ACOT12: variants seen among roughly 807,000 people sequenced by gnomAD.
The protein encoded by ACOT12 is acyl-CoA thioesterase 12.
Under a neutral mutation model 67.7 loss-of-function variants are expected in ACOT12, and 51 were observed. The ratio of observed to expected loss-of-function variants is 0.75; its 90% CI spans 0.60 to 0.95. The LOEUF is 0.95. Among genes scored for constraint, ACOT12 ranks in the 40% least tolerant of loss-of-function variants. The probability of loss-of-function intolerance (pLI) is 0.00; values close to 1 mark genes in which losing one functional copy is unlikely to be tolerated. For synonymous variants in ACOT12, 251 were observed against 244.6 expected (o/e 1.03, Z -0.24); for missense variants, 734 against 708.1 (o/e 1.04, Z -0.41).
At chr5:81,316,731 C>CT in the ACOT12 span, among the ~76,000 whole-genome samples, 3 of 152,128 alleles carry the variant, frequency 2.0e-5, no homozygotes, top group Admixed American at 6.5e-5. Context: ...TTTGTTTCTC[C>CT]TTTTTATTTT....
chr5:81,348,181 T>C (rs544834170), intron 5 of ACOT12, among the ~76,000 whole-genome samples: 1 of 152,208 alleles, frequency 6.6e-6, no homozygotes, highest in African/African-American at 2.4e-5. Flanking sequence ...ATAAAATAAG[T>C]CTATTGGAAT....
the ACOT12 span, among the ~76,000 whole-genome samples, chr5:81,318,031 C>A: frequency 6.6e-6 from 1 of 151,886 alleles, no homozygotes; most frequent in South Asian, 2.1e-4. Flanking sequence ...TACAGGCATG[C>A]TGCACCATGC....
chr5:81,390,121 A>AT (rs1194610860), intron 1 of ACOT12, among the ~76,000 whole-genome samples: 1 of 150,264 alleles, frequency 6.7e-6, no homozygotes, highest in Non-Finnish European at 1.5e-5. Flanking sequence ...TGCCTGGCTA[A>AT]TTTTAACATT....
At chr5:81,392,944 T>A (rs1232754663) in intron 1 of ACOT12, among the ~76,000 whole-genome samples, 2 of 152,224 alleles carry the variant, frequency 1.3e-5, no homozygotes, top group African/African-American at 4.8e-5. Flanking sequence ...GGACATTAAT[T>A]GTATGGGACC....
At chr5:81,329,673 G>A (rs146350331), downstream of ACOT12, among the ~76,000 whole-genome samples, 17 of 152,288 alleles carry the variant, frequency 1.1e-4, no homozygotes, top group East Asian at 3.3e-3. Context: ...GGAGAATACT[G>A]AATGTTGAAG....
the ACOT12 span, among the ~76,000 whole-genome samples, chr5:81,318,612 G>A: frequency 6.6e-6 from 1 of 152,172 alleles, no homozygotes; most frequent in Non-Finnish European, 1.5e-5. Flanking sequence ...TAGGGATTGT[G>A]TTGAGTCTGT....
At chr5:81,346,083 A>T in intron 6 of ACOT12, 79 bp from the exon 7 acceptor site, 2 of 1,570,740 alleles carry the variant, frequency 1.3e-6, no homozygotes, top group South Asian at 2.3e-5. Context: ...CAAGTCTTCA[A>T]ATAAGCATTT....
At chr5:81,319,501 T>C in the ACOT12 span, among the ~76,000 whole-genome samples, 2 of 152,174 alleles carry the variant, frequency 1.3e-5, no homozygotes, top group Non-Finnish European at 2.9e-5. Context: ...GCGGATTATC[T>C]GAGGTCGGGA....
At position 81,359,891 on chromosome 5, in the gene ACOT12, G is replaced by A. The variant is rs760322097; in HGVS notation, c.496+12C>T. 12 of 1,598,918 alleles carry A rather than the reference G, an allele frequency of 7.5e-6. No individual in the cohort carries two copies. The highest frequency in any genetic ancestry group is 1.1e-5 in the South Asian group (1 of 87,392). ...TTATAGAATTAAAATTCTTATAAGT[G>A]GATTTACTGACCATCAAATTTGCTA... is the stretch of plus-strand genomic sequence containing the variant. On this transcript the variant is annotated intron_variant, in intron 5 of 14. Coordinates refer to ENST00000307624, the MANE Select transcript of ACOT12 (RefSeq NM_130767.3).
rs960071235 is a variant in ACOT12, at chr5:81,379,605, C to T, written c.197+6152G>A. On this transcript the variant is annotated intron_variant, in intron 2 of 14. Transcript: ENST00000307624. ...CATTTCATTCCCATCAGGAAACGGC[C>T]TTAGAAGGTGACATAGTGACTGGCA... is the stretch of plus-strand genomic sequence containing the variant. Among the ~76,000 whole-genome samples the T allele has an allele frequency of 5.3e-5, 8 of 152,112 alleles. 1 individual carries two copies. Among genetic ancestry groups the T allele is most frequent in the Admixed American group, 1.3e-4 (2 of 15,268 alleles).
chr5:81,345,137 C>CA, intron 7 of ACOT12, 96 bp from the exon 8 acceptor site: 1 of 1,316,190 alleles, frequency 7.6e-7, no homozygotes, highest in South Asian at 1.3e-5. Context: ...CCGCTGCCAC[C>CA]TCCTCTAAGC....
At chr5:81,317,701 C>A in the ACOT12 span, among the ~76,000 whole-genome samples, 1 of 152,012 alleles carries the variant, frequency 6.6e-6, no homozygotes, top group East Asian at 1.9e-4. Flanking sequence ...TTTATAAGAA[C>A]TCTGTCACGA....
At chr5:81,331,990 G>A (rs1758842682) in intron 13 of ACOT12, among the ~76,000 whole-genome samples, 1 of 152,184 alleles carries the variant, frequency 6.6e-6, no homozygotes. Context: ...ATACTCATAT[G>A]TGTGTGGGAT....
chr5:81,330,602 A>C (rs1315514218), intron 14 of ACOT12, 59 bp from the exon 15 acceptor site: 6 of 1,582,438 alleles, frequency 3.8e-6, no homozygotes, highest in Non-Finnish European at 5.2e-6. Flanking sequence ...CTTTTTCAAG[A>C]AAGGATCTGA....
At chr5:81,371,390 C>A (rs1332803859) in intron 3 of ACOT12, among the ~76,000 whole-genome samples, 1 of 151,934 alleles carries the variant, frequency 6.6e-6, no homozygotes, top group Non-Finnish European at 1.5e-5. Flanking sequence ...GTACCCAGGG[C>A]TACAGGCACT....
chr5:81,353,293 GAA>G (rs200230330), intron 5 of ACOT12, among the ~76,000 whole-genome samples: 5 of 152,032 alleles, frequency 3.3e-5, no homozygotes, highest in Admixed American at 1.3e-4. Flanking sequence ...TACAACCAAC[GAA>G]AAAAATAGGG....
At chr5:81,358,387 CTGCCTCAGGG>C (rs1251464813) in intron 5 of ACOT12, among the ~76,000 whole-genome samples, 5 of 152,172 alleles carry the variant, frequency 3.3e-5, no homozygotes, top group Non-Finnish European at 7.4e-5. Context: ...GTTGTCTCAC[CTGCCTCAGGG>C]TGCCTCAGCA....
At position 81,347,852 on chromosome 5, in the gene ACOT12, G is replaced by T. The variant is rs201855173; in HGVS notation, c.575C>A (p.Pro192His). The T allele has an allele frequency of 2.0e-4, 318 of 1,614,036 alleles. No homozygotes were observed. The highest frequency in any genetic ancestry group is 2.6e-4 in the Non-Finnish European group (304 of 1,180,026). Reference sequence around the variant, plus strand: ...TGTATTTCCGTGATGGTTTGCATGGGGTGGGAGGACCAGTTCAATGCTCTG... The same window carrying T: ...TGTATTTCCGTGATGGTTTGCATGGTGTGGGAGGACCAGTTCAATGCTCTG... ...SVQSIELVLP[P>H]HANHHGNTFG... The change falls in exon 6 of 15, where the codon CCC becomes CAC. Residue 192 changes from proline (P) to histidine (H), a missense_variant. Pro to His is a moderately conservative substitution (Grantham distance 77). Coordinates refer to ENST00000307624, the MANE Select transcript of ACOT12 (RefSeq NM_130767.3).
intron 2 of ACOT12, among the ~76,000 whole-genome samples, chr5:81,378,860 T>TAGG (rs1760496015): frequency 6.6e-6 from 1 of 151,490 alleles, no homozygotes; most frequent in Admixed American, 6.6e-5. Context: ...CATGGGGAAA[T>TAGG]AACGCTTTTA....
Sources: allele counts gnomAD v4.1 joint callset (sites outside exome capture counted in the v4.1 genomes callset), GRCh38; gene constraint gnomAD v4.1.1; transcripts MANE v1.5; gene names NCBI Gene and HGNC (gene_info 2026-07-23, HGNC 2026-07-21).